Variants in ASTN2 observed in about 807,000 individuals in gnomAD.
The protein encoded by ASTN2 is astrotactin 2.
In ASTN2, 54 loss-of-function variants were observed where a neutral mutation model predicts 139.8. The ratio of observed to expected loss-of-function variants is 0.39; its 90% CI spans 0.31 to 0.48. ASTN2 has a LOEUF of 0.48. Ranked by LOEUF, ASTN2 falls within the 20% of genes least tolerant of loss-of-function variation. The pLI is 0.95. For synonymous variants in ASTN2, 756 were observed against 719.5 expected (o/e 1.05, Z -0.81); for missense variants, 1,565 against 1,725.1 (o/e 0.91, Z 1.64).
intron 2 of ASTN2, among the ~76,000 whole-genome samples, chr9:117,238,185 G>T (rs148192054): frequency 6.6e-6 from 1 of 152,134 alleles, no homozygotes; most frequent in Non-Finnish European, 1.5e-5. Flanking sequence ...TGGAGGCTCA[G>T]GCTTTCCTGA....
intron 5 of ASTN2, among the ~76,000 whole-genome samples, chr9:117,050,419 G>A (rs548192827): frequency 2.0e-5 from 3 of 152,210 alleles, no homozygotes; most frequent in African/African-American, 7.2e-5. Flanking sequence ...TGATGGCCTA[G>A]TAAATACTGA....
In ASTN2 at chr9:117,030,949, C is replaced by G. The variant is rs370903502; in HGVS notation, c.1423+8870G>C. On this transcript the variant is annotated intron_variant, in intron 6 of 22. Transcript: ENST00000313400. The stretch of plus-strand genomic sequence containing the variant: ...CCTAGCCTTGCCTTCTCCCTGTACT[C>G]TCTCACGTATAGTTATTAAGTCTGG... Among the ~76,000 whole-genome samples, 10 of 152,272 alleles carry G rather than the reference C, an allele frequency of 6.6e-5. No homozygotes were observed. In the South Asian group the frequency reaches 1.7e-3, roughly 25 times the overall value.
chr9:116,957,320 G>T (rs571920052), intron 10 of ASTN2, among the ~76,000 whole-genome samples: 8 of 152,098 alleles, frequency 5.3e-5, no homozygotes, highest in Non-Finnish European at 1.2e-4. Flanking sequence ...GGTAAAGAAA[G>T]ACAATGCTTT....
chr9:116,594,336 A>C (rs1204757360), intron 19 of ASTN2, among the ~76,000 whole-genome samples: 1 of 152,208 alleles, frequency 6.6e-6, no homozygotes, highest in African/African-American at 2.4e-5. Context: ...AAACAGAATG[A>C]GTACACATCT....
At chr9:117,107,097 T>C (rs1235257028) in intron 4 of ASTN2, among the ~76,000 whole-genome samples, 1 of 152,202 alleles carries the variant, frequency 6.6e-6, no homozygotes, top group African/African-American at 2.4e-5. Context: ...AATTAAAATG[T>C]CATAAATATT....
At chr9:117,185,857 G>T (rs1831182989) in intron 3 of ASTN2, among the ~76,000 whole-genome samples, 1 of 152,162 alleles carries the variant, frequency 6.6e-6, no homozygotes, top group Non-Finnish European at 1.5e-5. Context: ...ATTTAGCAGA[G>T]CTACTTGAGG....
chr9:117,127,149 G>A (rs1481777988), intron 4 of ASTN2, among the ~76,000 whole-genome samples: 1 of 152,168 alleles, frequency 6.6e-6, no homozygotes, highest in Non-Finnish European at 1.5e-5. Flanking sequence ...AGCCATCCTG[G>A]GTTGCTGTAG....
intron 22 of ASTN2, among the ~76,000 whole-genome samples, chr9:116,427,682 G>A (rs762606622): frequency 5.9e-5 from 9 of 152,232 alleles, no homozygotes; most frequent in Non-Finnish European, 8.8e-5. Flanking sequence ...GAGCTTATGT[G>A]TATACATTTT....
chr9:116,476,900 T>C (rs1342293887), intron 20 of ASTN2, among the ~76,000 whole-genome samples: 2 of 152,210 alleles, frequency 1.3e-5, no homozygotes, highest in Non-Finnish European at 2.9e-5. Flanking sequence ...AGATACATCC[T>C]GTCCCTCCTC....
chr9:117,144,442 G>C (rs1830144377), intron 3 of ASTN2, among the ~76,000 whole-genome samples: 1 of 152,030 alleles, frequency 6.6e-6, no homozygotes, highest in Non-Finnish European at 1.5e-5. Context: ...AGGCAGCCCA[G>C]GACAGCTTTG....
At position 116,957,705 on chromosome 9, in the gene ASTN2, G is replaced by A. The variant is rs115388266; in HGVS notation, c.1889+17503C>T. 4.9e-3 allele frequency among the ~76,000 whole-genome samples: 749 copies of A among 152,270 alleles called. 8 individuals carry two copies. The highest frequency in any genetic ancestry group is 0.017 in the African/African-American group (722 of 41,566). ...GTTTTTGTTTTTGAGACGGAGTCTC[G>A]CTCTGTTGCTCTGTCACCAGGCTAG... is the stretch of plus-strand genomic sequence containing the variant. On this transcript the variant is annotated intron_variant, in intron 10 of 22. Coordinates refer to ENST00000313400, the MANE Select transcript of ASTN2 (RefSeq NM_001365068.1).
intron 11 of ASTN2, among the ~76,000 whole-genome samples, chr9:116,830,807 AAG>A (rs1433237094): frequency 4.2e-5 from 6 of 143,186 alleles, no homozygotes; most frequent in Non-Finnish European, 6.1e-5. Flanking sequence ...AAAAAAAAAG[AAG>A]AAGAAGAAAA....
chr9:116,487,189 T>C (rs1849367692), intron 20 of ASTN2, among the ~76,000 whole-genome samples, 170 bp downstream of exon 20: 1 of 152,214 alleles, frequency 6.6e-6, no homozygotes, highest in East Asian at 1.9e-4. Flanking sequence ...TGTGATCCAT[T>C]GTGGCATACT....
intron 3 of ASTN2, among the ~76,000 whole-genome samples, chr9:117,172,673 G>A (rs1362286386): frequency 2.0e-5 from 3 of 152,010 alleles, no homozygotes; most frequent in Non-Finnish European, 4.4e-5. Flanking sequence ...TCCCAGAGTG[G>A]GTAACATTTC....
intron 3 of ASTN2, among the ~76,000 whole-genome samples, chr9:117,161,364 A>C (rs1321776292): frequency 6.6e-6 from 1 of 152,008 alleles, no homozygotes; most frequent in Admixed American, 6.6e-5. Context: ...GGAGAACTGG[A>C]GCAGCTTTAT....
chr9:116,827,958 C>T (rs1300776477), intron 11 of ASTN2, among the ~76,000 whole-genome samples: 2 of 152,022 alleles, frequency 1.3e-5, no homozygotes, highest in African/African-American at 4.8e-5. Flanking sequence ...AAACTATACA[C>T]TAATATCCCT....
chr9:117,234,325 C>T (rs1832981432), intron 2 of ASTN2, among the ~76,000 whole-genome samples: 1 of 152,154 alleles, frequency 6.6e-6, no homozygotes, highest in South Asian at 2.1e-4. Context: ...TTGGCATATT[C>T]GGACCACCTT....
At chr9:116,898,702 C>T (rs1350130155) in intron 10 of ASTN2, among the ~76,000 whole-genome samples, 1 of 152,116 alleles carries the variant, frequency 6.6e-6, no homozygotes, top group Non-Finnish European at 1.5e-5. Flanking sequence ...CAGGGTCTCG[C>T]TATGTTGTAC....
At chr9:116,748,899 G>A (rs1829324283) in intron 13 of ASTN2, among the ~76,000 whole-genome samples, 1 of 152,124 alleles carries the variant, frequency 6.6e-6, no homozygotes, top group African/African-American at 2.4e-5. Context: ...TCCCCAAATG[G>A]CTCCAGTATG....
Sources: allele counts gnomAD v4.1 joint callset (sites outside exome capture counted in the v4.1 genomes callset), GRCh38; gene constraint gnomAD v4.1.1; transcripts MANE v1.5; gene names NCBI Gene and HGNC (gene_info 2026-07-23, HGNC 2026-07-21).